TMEM101: variants seen among roughly 807,000 people sequenced by gnomAD.
TMEM101 encodes transmembrane protein 101, also known as putative NF-kappa-B-activating protein 130.
TMEM101 carries 14 observed loss-of-function variants against 26.0 expected under a neutral mutation model. The ratio of observed to expected loss-of-function variants is 0.54; its 90% CI spans 0.36 to 0.84. TMEM101 has a LOEUF of 0.84. Ranked by LOEUF, TMEM101 falls within the 40% of genes least tolerant of loss-of-function variation. The pLI is 0.01. For missense variants in TMEM101, 292 were observed against 345.1 expected (o/e 0.85, Z 1.22); for synonymous variants, 152 against 145.1 (o/e 1.05, Z -0.34).
At chr17:44,018,080 G>A (rs2049251705), upstream of TMEM101, among the ~76,000 whole-genome samples, 3 of 152,298 alleles carry the variant, frequency 2.0e-5, no homozygotes, top group Middle Eastern at 6.8e-3. Context: ...AGTCGAGATC[G>A]CACCACTGCA....
At chr17:44,015,028 G>C, upstream of TMEM101, 4 of 1,506,230 alleles carry the variant, frequency 2.7e-6, no homozygotes, top group Non-Finnish European at 3.6e-6. Context: ...GCAGCTTCCG[G>C]GTCAAGCGCT....
chr17:44,012,367 C>T (rs2049172428), intron 3 of TMEM101, 131 bp from the exon 4 acceptor site: 1 of 854,264 alleles, frequency 1.2e-6, no homozygotes, highest in East Asian at 2.7e-5. Context: ...GACTGGGGAA[C>T]CTCTGAAAGT....
In TMEM101 at chr17:44,023,018, G is replaced by GAT. The variant is rs370464308; in HGVS notation, c.-324+19_-324+20dup. 9.7e-4 allele frequency: 273 copies of GAT among 282,438 alleles called. 3 individuals are homozygous for GAT. Among genetic ancestry groups the GAT allele is most frequent in the African/African-American group, 6.0e-3 (260 of 43,480 alleles). The allele number at this position is 282,438 out of a possible 1,614,324, so 17.5% of individuals were successfully genotyped here. A position where few individuals can be genotyped will look rare whatever the true frequency, so the allele number is the denominator to read the frequency against. ...AATAGGAAGGGGAGAAGGGAAAAGA[G>GAT]ATATATATATTTACACTCACCAGAC... is the stretch of plus-strand genomic sequence containing the variant. On this transcript the variant is annotated intron_variant, in intron 1 of 4. Transcript: ENST00000585950.
chr17:44,012,946 C>T, intron 3 of TMEM101, 63 bp downstream of exon 3: 1 of 1,458,650 alleles, frequency 6.9e-7, no homozygotes, highest in South Asian at 1.4e-5. Flanking sequence ...TGGGGTTCTG[C>T]CATGCCTAGA....
At chr17:44,012,448 G>A in intron 3 of TMEM101, 4 of 574,198 alleles carry the variant, frequency 7.0e-6, no homozygotes, top group Non-Finnish European at 1.2e-5. Context: ...TCACCCTAGG[G>A]GCTATGAAGG....
At chr17:44,022,429 G>C (rs2049293654) in intron 1 of TMEM101, among the ~76,000 whole-genome samples, 2 of 152,306 alleles carry the variant, frequency 1.3e-5, no homozygotes, top group African/African-American at 4.8e-5. Context: ...CTTTGAGCCT[G>C]ATCAGTCAAG....
intron 1 of TMEM101, among the ~76,000 whole-genome samples, chr17:44,022,443 T>C (rs2049293780): frequency 6.6e-6 from 1 of 152,236 alleles, no homozygotes; most frequent in African/African-American, 2.4e-5. Context: ...AGTCAAGACA[T>C]AGGCCTGGCA....
rs906385936 is a variant in TMEM101 at position 44,014,892 on chromosome 17, C to G, written c.61G>C (p.Val21Leu). 6.2e-7 allele frequency: 1 copy of G among 1,613,980 alleles called. No individual in the cohort carries two copies. Among genetic ancestry groups the G allele is most frequent in the Non-Finnish European group, 8.5e-7 (1 of 1,179,976 alleles). Residue 21 changes from valine (V) to leucine (L), a missense_variant, in exon 1 of 4, where the codon GTG becomes CTG. Val to Leu is a conservative substitution (Grantham distance 32, BLOSUM62 1). Around this residue, in one of 2 missense-constraint regions of TMEM101, gnomAD observed 143 missense variants for 133.2 expected, o/e 1.07. Transcript: ENST00000206380. ...MLQLIMQLGS[V>L]LLTRCPFWGC... ...CAAAAGGGGCAGCGTGTGAGCAGCA[C>G]CGAACCCAACTGCATGATCAGCTGC...
upstream of TMEM101, chr17:44,015,253 G>A (rs527282211): frequency 5.1e-4 from 129 of 253,912 alleles, no homozygotes; most frequent in Middle Eastern, 5.3e-3. Flanking sequence ...ACTGGTCTTT[G>A]AATGCAGCCC....
intron 2 of TMEM101, 28 bp downstream of exon 2, chr17:44,014,329 A>G: frequency 6.5e-7 from 1 of 1,540,148 alleles, no homozygotes; most frequent in Non-Finnish European, 8.8e-7. Flanking sequence ...ACCCAGAGGG[A>G]AGACCCTTTT....
chr17:44,014,914 C>G lies in TMEM101; in HGVS notation c.39G>C (p.Gln13His), dbSNP rs2049211085. Residue 13 changes from glutamine to histidine, a missense_variant, in exon 1 of 4, where the codon CAG (glutamine) becomes CAC (histidine). Gln to His is a conservative substitution (Grantham distance 24). This residue lies in a region of TMEM101 where 143 missense variants were observed against 133.2 expected (regional missense o/e 1.07). Transcript: ENST00000206380. ...SKIGSRRWML[Q>H]LIMQLGSVLL... ...GCACCGAACCCAACTGCATGATCAGCTGCAACATCCACCGTCTCGAACCTA... is the reference window on the plus strand; with the variant it reads ...GCACCGAACCCAACTGCATGATCAGGTGCAACATCCACCGTCTCGAACCTA... The G allele has an allele frequency of 1.2e-6, 2 of 1,613,870 alleles. No homozygotes were observed. Among genetic ancestry groups the G allele is most frequent in the Admixed American group, 1.7e-5 (1 of 59,958 alleles).
At chr17:44,017,608 A>AAC (rs1555621990), upstream of TMEM101, among the ~76,000 whole-genome samples, 88 of 137,012 alleles carry the variant, frequency 6.4e-4, no homozygotes, top group African/African-American at 1.7e-3. Context: ...AAAAAAAAAA[A>AAC]AAAAAAAAGC....
At chr17:44,012,348 C>T in intron 3 of TMEM101, 112 bp from the exon 4 acceptor site, 1 of 1,031,194 alleles carries the variant, frequency 9.7e-7, no homozygotes, top group Non-Finnish European at 1.4e-6. Context: ...GCTTCTGACT[C>T]CCCTCTTGGA....
At chr17:44,018,024 C>A (rs1211160111), upstream of TMEM101, among the ~76,000 whole-genome samples, 7 of 152,140 alleles carry the variant, frequency 4.6e-5, no homozygotes, top group Admixed American at 4.6e-4. Context: ...ATTCAGGAGG[C>A]TGAGGCAGAA....
At chr17:44,023,141 G>T, upstream of TMEM101, 1 of 248,460 alleles carries the variant, frequency 4.0e-6, no homozygotes, top group Non-Finnish European at 7.9e-6. Flanking sequence ...TGAAGCTTCG[G>T]CGCAGTCTGG....
At chr17:44,023,090 G>A in exon 1 of TMEM101, 1 of 384,080 alleles carries the variant, frequency 2.6e-6, no homozygotes, top group Non-Finnish European at 5.1e-6. Context: ...CTGGGCTCCA[G>A]AGTCGGCCAC....
chr17:44,016,391 G>T (rs1397444685), upstream of TMEM101, among the ~76,000 whole-genome samples: 2 of 152,006 alleles, frequency 1.3e-5, no homozygotes, highest in African/African-American at 4.8e-5. Context: ...GGCTGCTCTC[G>T]AACTCCTAAC....
chr17:44,014,406 G>T lies in TMEM101; in HGVS notation c.269C>A (p.Thr90Asn). The T allele has an allele frequency of 1.3e-6, 2 of 1,555,750 alleles. No homozygotes were observed. The highest frequency in any genetic ancestry group is 1.7e-6 in the Non-Finnish European group (2 of 1,149,304). ...LGAALQLAIS[T>N]YAAYIGGYVH... The stretch of plus-strand genomic sequence containing the variant: ...GTAGCCCCCGATGTAGGCGGCGTAG[G>T]TGCTAATGGCCAATTGGAGTGCGGC... The change falls in exon 2 of 4, where the codon ACC becomes AAC. Residue 90 changes from threonine to asparagine, a missense_variant. Coordinates refer to ENST00000206380, the MANE Select transcript of TMEM101 (RefSeq NM_032376.4).
At position 44,014,501 on chromosome 17, in the gene TMEM101, G is replaced by C. The variant is rs766109191; in HGVS notation, c.174C>G (p.Asp58Glu). 6.4e-7 allele frequency: 1 copy of C among 1,571,284 alleles called. No individual in the cohort carries two copies. Among genetic ancestry groups the C allele is most frequent in the African/African-American group, 1.3e-5 (1 of 74,400 alleles). ...PDIPVPYLYF[D>E]MGAAVLCASF... The stretch of plus-strand genomic sequence containing the variant: ...TAGCGCACAGCACGGCTGCCCCCAT[G>C]TCGAAATACAGGTAAGGCACTGGGA... Residue 58 changes from aspartate to glutamate, a missense_variant, in exon 2 of 4, where the codon GAC becomes GAG. Physicochemically the swap from Asp to Glu is conservative, Grantham distance 45. Around this residue, in one of 2 missense-constraint regions of TMEM101, gnomAD observed 143 missense variants for 133.2 expected, o/e 1.07. Transcript: ENST00000206380.
Sources: allele counts gnomAD v4.1 joint callset (sites outside exome capture counted in the v4.1 genomes callset), GRCh38; gene constraint gnomAD v4.1.1; regional missense constraint gnomAD v4.1.1; transcripts MANE v1.5; gene names NCBI Gene and HGNC (gene_info 2026-07-23, HGNC 2026-07-21).